Variants in VNN1 observed in about 807,000 individuals in gnomAD.
The protein encoded by VNN1 is pantetheinase.
In VNN1, 29 loss-of-function variants were observed where a neutral mutation model predicts 41.9. The ratio of observed to expected loss-of-function variants is 0.69; its 90% CI spans 0.52 to 0.94. The LOEUF (loss-of-function observed/expected upper bound fraction) is 0.94. Ranked by LOEUF, VNN1 falls within the 40% of genes least tolerant of loss-of-function variation. The probability of loss-of-function intolerance (pLI) is 0.00; values close to 1 mark genes in which losing one functional copy is unlikely to be tolerated. For missense variants in VNN1, 637 were observed against 621.1 expected, an observed-to-expected ratio of 1.03 and a Z score of -0.27; for synonymous variants, 233 against 224.4, an observed-to-expected ratio of 1.04 and a Z score of -0.34.
intron 2 of VNN1, among the ~76,000 whole-genome samples, chr6:132,696,843 C>T (rs1778380515): frequency 6.6e-6 from 1 of 151,844 alleles, no homozygotes; most frequent in Non-Finnish European, 1.5e-5. Flanking sequence ...GTGGCTCACG[C>T]CTGTAATCCT....
chr6:132,714,047 A>G lies in VNN1; in HGVS notation c.-12T>C, dbSNP rs376438768. Reference sequence around the variant, plus strand: ...AACTGAGTAGTCATGCTGAAGTCCAATGAGTGCTGAAAAACAGAGCATGTC... The same window carrying G: ...AACTGAGTAGTCATGCTGAAGTCCAGTGAGTGCTGAAAAACAGAGCATGTC... On this transcript the variant is annotated 5_prime_UTR_variant, in exon 1 of 7. Transcript: ENST00000367928. The G allele has an allele frequency of 1.7e-5, 27 of 1,603,490 alleles. No individual in the cohort carries two copies. The highest frequency in any genetic ancestry group is 4.0e-5 in the African/African-American group (3 of 74,838).
chr6:132,688,174 AT>A (rs1778232743), intron 5 of VNN1, among the ~76,000 whole-genome samples: 1 of 152,092 alleles, frequency 6.6e-6, no homozygotes, highest in Admixed American at 6.6e-5. Context: ...AAAATAAAGG[AT>A]TTTTGTAACC....
chr6:132,691,229 C>T (rs1423742369), intron 5 of VNN1, among the ~76,000 whole-genome samples: 1 of 151,560 alleles, frequency 6.6e-6, no homozygotes, highest in African/African-American at 2.4e-5. Context: ...TTAAGCCAGA[C>T]AGTATTATAA....
intron 2 of VNN1, among the ~76,000 whole-genome samples, chr6:132,709,941 T>C (rs1778575173): frequency 1.3e-5 from 2 of 152,192 alleles, no homozygotes. Flanking sequence ...ATAATTATGG[T>C]ACAATTAAAT....
intron 2 of VNN1, 61 bp downstream of exon 2, chr6:132,711,648 G>C: frequency 6.4e-7 from 1 of 1,570,780 alleles, no homozygotes; most frequent in Non-Finnish European, 8.7e-7. Context: ...CATCAACAAA[G>C]TTTTCCCAGG....
At chr6:132,686,915 T>G (rs1029719045) in intron 5 of VNN1, among the ~76,000 whole-genome samples, 2 of 151,954 alleles carry the variant, frequency 1.3e-5, no homozygotes, top group Admixed American at 6.6e-5. Flanking sequence ...TCTTGGAAAT[T>G]AAGAACATGT....
chr6:132,707,326 C>T (rs967045752), intron 2 of VNN1, among the ~76,000 whole-genome samples: 2 of 151,818 alleles, frequency 1.3e-5, no homozygotes, highest in Non-Finnish European at 2.9e-5. Context: ...AAAAGGGAAC[C>T]CTCATACACT....
rs1047442835 is a variant in VNN1 at position 132,681,978 on chromosome 6, C to T, written c.*1162G>A. 1.3e-5 allele frequency: 2 copies of T among 152,346 alleles called. No individual in the cohort carries two copies. The highest frequency in any genetic ancestry group is 4.8e-5 in the African/African-American group (2 of 41,448). The allele number at this position is 152,346 out of a possible 1,614,324, so 9.4% of individuals were successfully genotyped here. On this transcript the variant is annotated 3_prime_UTR_variant, in exon 7 of 7. Transcript: ENST00000367928. ...TATGTAATTGTCCATCATCACAGCA[C>T]TATGATATTAGTGCTCAGAGTCTAT...
chr6:132,706,567 T>C (rs1778522060), intron 2 of VNN1, among the ~76,000 whole-genome samples: 2 of 152,168 alleles, frequency 1.3e-5, no homozygotes, highest in African/African-American at 2.4e-5. Flanking sequence ...AAGAAAACTT[T>C]GGGGAAACTC....
At chr6:132,704,146 A>G (rs912695338) in intron 2 of VNN1, among the ~76,000 whole-genome samples, 3 of 152,132 alleles carry the variant, frequency 2.0e-5, no homozygotes, top group Non-Finnish European at 4.4e-5. Flanking sequence ...CATTGGACAG[A>G]TCATCCAGAA....
intron 1 of VNN1, among the ~76,000 whole-genome samples, chr6:132,712,352 A>T (rs574660987): frequency 1.3e-5 from 2 of 151,774 alleles, no homozygotes; most frequent in Non-Finnish European, 2.9e-5. Context: ...GTTTCTCCAT[A>T]TTGGTCAGGA....
chr6:132,714,025 T>C lies in VNN1; in HGVS notation c.11A>G (p.Gln4Arg). The change falls in exon 1 of 7, where the codon CAG becomes CGG. Residue 4 changes from glutamine to arginine, a missense_variant. Physicochemically the swap from Gln to Arg is conservative, Grantham distance 43. Coordinates refer to ENST00000367928, the MANE Select transcript of VNN1 (RefSeq NM_004666.3). ...CAAAATTGCCACGTAAGCTGGCAAC[T>C]GAGTAGTCATGCTGAAGTCCAATGA... Reference protein sequence around the residue: MTTQLPAYVAILLF... With the variant: MTTRLPAYVAILLF... The C allele has an allele frequency of 6.2e-7, 1 of 1,612,332 alleles. No individual in the cohort carries two copies. The highest frequency in any genetic ancestry group is 8.5e-7 in the Non-Finnish European group (1 of 1,179,086).
chr6:132,692,398 A>C lies in VNN1; in HGVS notation c.1013T>G (p.Phe338Cys), dbSNP rs1315163293. The change falls in exon 5 of 7, where the codon TTT (phenylalanine) becomes TGT (cysteine). Residue 338 changes from phenylalanine to cysteine, a missense_variant. Physicochemically the swap from Phe to Cys is radical, Grantham distance 205. Transcript: ENST00000367928. ...SGNKEFKGTV[F>C]FDEFTFVKLT... ...CTTCACAAAAGTGAATTCATCGAAA[A>C]AGACAGTGCCTTTAAATTCCTTGTT... 6.2e-7 allele frequency: 1 copy of C among 1,614,182 alleles called. No individual in the cohort carries two copies. The highest frequency in any genetic ancestry group is 1.7e-5 in the Admixed American group (1 of 60,020).
chr6:132,683,777 C>T (rs552778599), intron 6 of VNN1, among the ~76,000 whole-genome samples: 175 of 152,264 alleles, frequency 1.1e-3, no homozygotes, highest in Non-Finnish European at 5.3e-4. Context: ...CTACCAGGAA[C>T]GGGGAGTGGG....
rs759751704 is a variant in VNN1 at position 132,683,218 on chromosome 6, A to G, written c.1464T>C (p.Ala488=). ...TTGCTTGTGCTGTGAGGCCTGATGA[A>G]GCATTTGATGCCCAGTCCTTCTCAT... ...RLYEKDWASN[A]SSGLTAQARI... is the part of the protein sequence containing the mutation. The change falls in exon 7 of 7, where the codon GCT becomes GCC. Residue 488 remains alanine, a synonymous_variant. Coordinates refer to ENST00000367928, the MANE Select transcript of VNN1 (RefSeq NM_004666.3). 3.7e-6 allele frequency: 6 copies of G among 1,614,142 alleles called. No individual in the cohort carries two copies. Among genetic ancestry groups the G allele is most frequent in the Non-Finnish European group, 4.2e-6 (5 of 1,180,000 alleles).
At chr6:132,700,881 C>A (rs1220196789) in intron 2 of VNN1, among the ~76,000 whole-genome samples, 1 of 152,150 alleles carries the variant, frequency 6.6e-6, no homozygotes, top group African/African-American at 2.4e-5. Flanking sequence ...AAAAAAACTT[C>A]TCTGAAGCCT....
At chr6:132,713,448 C>G (rs992762119) in intron 1 of VNN1, among the ~76,000 whole-genome samples, 1 of 152,090 alleles carries the variant, frequency 6.6e-6, no homozygotes, top group African/African-American at 2.4e-5. Flanking sequence ...ACCTGCAAAG[C>G]CTTAATAGCA....
At chr6:132,702,382 A>G (rs1778459392) in intron 2 of VNN1, among the ~76,000 whole-genome samples, 1 of 152,202 alleles carries the variant, frequency 6.6e-6, no homozygotes, top group Non-Finnish European at 1.5e-5. Flanking sequence ...TCCATTAAAA[A>G]ATTGTCTTCC....
intron 5 of VNN1, among the ~76,000 whole-genome samples, chr6:132,690,383 C>T (rs1778265349): frequency 6.6e-6 from 1 of 152,180 alleles, no homozygotes; most frequent in South Asian, 2.1e-4. Flanking sequence ...TTGCTGTTCC[C>T]TGCAGACCCT....
Sources: allele counts gnomAD v4.1 joint callset (sites outside exome capture counted in the v4.1 genomes callset), GRCh38; gene constraint gnomAD v4.1.1; transcripts MANE v1.5; gene names NCBI Gene and HGNC (gene_info 2026-07-23, HGNC 2026-07-21).